MFNG: variants seen among roughly 807,000 people sequenced by gnomAD.
MFNG encodes the protein MFNG O-fucosylpeptide 3-beta-N-acetylglucosaminyltransferase.
In MFNG, 24 loss-of-function variants were observed where a neutral mutation model predicts 34.2. The ratio of observed to expected loss-of-function variants is 0.70; its 90% confidence interval spans 0.51 to 0.99. The LOEUF (loss-of-function observed/expected upper bound fraction) is 0.99. Ranked by LOEUF, MFNG falls within the 50% of genes least tolerant of loss-of-function variation. MFNG has a pLI of 0.00. For missense variants in MFNG, 383 were observed against 424.0 expected, an observed-to-expected ratio of 0.90 and a Z score of 0.85; for synonymous variants, 158 against 179.2, an observed-to-expected ratio of 0.88 and a Z score of 0.94.
At chr22:37,479,710 G>A (rs1922203889) in intron 3 of MFNG, among the ~76,000 whole-genome samples, 1 of 152,126 alleles carries the variant, frequency 6.6e-6, no homozygotes, top group Non-Finnish European at 1.5e-5. Context: ...GAGAGGTTAA[G>A]ACACTCGCCC....
In MFNG at chr22:37,479,349, C is replaced by T. The variant is rs760886971; in HGVS notation, c.557G>A (p.Arg186His). 4.4e-6 allele frequency: 7 copies of T among 1,576,316 alleles called. No homozygotes were observed. Among genetic ancestry groups the T allele is most frequent in the East Asian group, 2.4e-5 (1 of 42,282 alleles). Residue 186 changes from arginine to histidine, a missense_variant, in exon 4 of 8, where the codon CGC becomes CAC. Arg to His is a conservative substitution (Grantham distance 29). Coordinates refer to ENST00000356998, the MANE Select transcript of MFNG (RefSeq NM_002405.4). ...AGGAGGAGGAGAGGGACCCACCGTG[C>T]GGTTGTGGGGCTGTGGCTCTGAGGC... ...IHASEPQPHN[R>H]TRLVQFWFAT... is the part of the protein sequence containing the mutation.
In MFNG at chr22:37,470,024, C is replaced by T. The variant is rs140309148; in HGVS notation, c.905G>A (p.Arg302His). 60 of 1,604,846 alleles carry T rather than the reference C, an allele frequency of 3.7e-5. No individual in the cohort carries two copies. The highest frequency in any genetic ancestry group is 4.5e-5 in the Non-Finnish European group (53 of 1,174,908). The change falls in exon 8 of 8, where the codon CGC becomes CAC. Residue 302 changes from arginine (R) to histidine (H), a missense_variant. By Grantham distance (29) the Arg-to-His change is conservative (BLOSUM62 0). Coordinates refer to ENST00000356998, the MANE Select transcript of MFNG (RefSeq NM_002405.4). ...TGGATAGAGCAGACAATGGAGGGAG[C>T]GAAATCTGCAGAGAGACCAGAAAAG... Reference protein sequence around the residue: ...FSPEEDPSRFRSLHCLLYPDT... With the variant: ...FSPEEDPSRFHSLHCLLYPDT...
At chr22:37,473,149 G>A (rs180720097) in intron 6 of MFNG, among the ~76,000 whole-genome samples, 61 of 152,230 alleles carry the variant, frequency 4.0e-4, no homozygotes, top group East Asian at 2.3e-3. Flanking sequence ...GAGAGTTAAA[G>A]AAGGGTGGCT....
intron 4 of MFNG, 57 bp downstream of exon 4, chr22:37,479,288 C>A (rs57503927): frequency 6.7e-7 from 1 of 1,486,312 alleles, no homozygotes; most frequent in East Asian, 2.5e-5. Flanking sequence ...CCCCCAGGAC[C>A]GGCCCGGCCC....
Position 37,469,923 on chromosome 22 carries a change from C to A in MFNG, c.*40G>T, listed in dbSNP as rs1233126093. 3.3e-6 allele frequency: 5 copies of A among 1,525,896 alleles called. No homozygotes were observed. The highest frequency in any genetic ancestry group is 4.5e-6 in the Non-Finnish European group (5 of 1,114,752). The allele number at this position is 1,525,896 out of a possible 1,614,324, so 94.5% of individuals were successfully genotyped here. A position where few individuals can be genotyped will look rare whatever the true frequency, so the allele number is the denominator to read the frequency against. On this transcript the variant is annotated 3_prime_UTR_variant, in exon 8 of 8. Coordinates refer to ENST00000356998, the MANE Select transcript of MFNG (RefSeq NM_002405.4). Reference sequence around the variant, plus strand: ...TGCCACCTTGGGAGCCAAGGCACACCCAGAAGTCTCTGCCCAACCTTTGCC... The same window carrying A: ...TGCCACCTTGGGAGCCAAGGCACACACAGAAGTCTCTGCCCAACCTTTGCC...
Position 37,485,099 on chromosome 22 carries a change from C to T in MFNG, c.255+824G>A, listed in dbSNP as rs1294161005. Among the ~76,000 whole-genome samples the T allele has an allele frequency of 6.6e-6, 1 of 152,132 alleles. No individual in the cohort carries two copies. Among genetic ancestry groups the T allele is most frequent in the Admixed American group, 6.5e-5 (1 of 15,278 alleles). On this transcript the variant is annotated intron_variant, in intron 1 of 7. Transcript: ENST00000356998. The surrounding 1 kb of genome is among the most constrained non-coding windows in gnomAD (Gnocchi z 5.3). ...CGAGGAGGGAAAGGGCTGGAAGGGA[C>T]TTGGCTCGCCGGAGCCGCACAGCCA...
rs76127856 is a variant in MFNG, at chr22:37,476,537, C to A, written c.647+359G>T. ...GCCTTCACCTCCCCTACGGCATTGA[C>A]CAGTCAGAAAAGGGCGGTAAATAGC... On this transcript the variant is annotated intron_variant, in intron 5 of 7. Transcript: ENST00000356998. Among the ~76,000 whole-genome samples, 1,126 of 152,234 alleles carry A rather than the reference C, an allele frequency of 7.4e-3. 11 individuals carry two copies. Among genetic ancestry groups the A allele is most frequent in the African/African-American group, 0.026 (1,061 of 41,526 alleles).
intron 5 of MFNG, among the ~76,000 whole-genome samples, chr22:37,476,644 A>AC (rs1922054680): frequency 6.6e-6 from 1 of 152,194 alleles, no homozygotes; most frequent in South Asian, 2.1e-4. Context: ...CCATGTGCCG[A>AC]CGGGGGGACT....
chr22:37,477,122 T>G, intron 4 of MFNG, 141 bp from the exon 5 acceptor site: 1 of 685,424 alleles, frequency 1.5e-6, no homozygotes, highest in Middle Eastern at 2.5e-4. Context: ...TGCTACAACC[T>G]GGCATTATTG....
rs770994899 is a variant in MFNG at position 37,482,248 on chromosome 22, G to A, written c.256-1479C>T. Among the ~76,000 whole-genome samples, 21 of 152,214 alleles carry A rather than the reference G, an allele frequency of 1.4e-4. No homozygotes were observed. Among genetic ancestry groups the A allele is most frequent in the African/African-American group, 4.6e-4 (19 of 41,540 alleles). On this transcript the variant is annotated intron_variant, in intron 1 of 7. Transcript: ENST00000356998. The surrounding 1 kb of genome is among the most constrained non-coding windows in gnomAD (Gnocchi z 4.1). ...ATGTTTCCCTGCCAGGACCAGAATC[G>A]AGTAACACCCAACTCCACCCACCAG...
rs549930944 is a variant in MFNG, at chr22:37,469,481, C to T, written c.*482G>A. Reference sequence around the variant, plus strand: ...GCAACAACAGCAGGTGCTGCAGACCCTGGATTCTGCCATCATTCCACCCAT... The same window carrying T: ...GCAACAACAGCAGGTGCTGCAGACCTTGGATTCTGCCATCATTCCACCCAT... On this transcript the variant is annotated 3_prime_UTR_variant, in exon 8 of 8. Coordinates refer to ENST00000356998, the MANE Select transcript of MFNG (RefSeq NM_002405.4). 6.7e-5 allele frequency: 18 copies of T among 267,056 alleles called. No individual in the cohort carries two copies. Among genetic ancestry groups the T allele is most frequent in the African/African-American group, 4.0e-4 (18 of 45,128 alleles). 16.5% of individuals were successfully genotyped at this position (267,056 alleles called of 1,614,324 possible).
chr22:37,471,058 T>C (rs2145724723), intron 7 of MFNG, among the ~76,000 whole-genome samples: 1 of 152,172 alleles, frequency 6.6e-6, no homozygotes, highest in East Asian at 1.9e-4. Context: ...GGGCTCTGAC[T>C]TACTCTCCCA....
intron 4 of MFNG, among the ~76,000 whole-genome samples, chr22:37,478,593 A>G (rs1339956775): frequency 2.0e-5 from 3 of 151,276 alleles, no homozygotes; most frequent in Non-Finnish European, 4.4e-5. Context: ...CTGGAGGGAG[A>G]GGGTGCCCCA....
At chr22:37,477,259 C>T (rs568145444) in intron 4 of MFNG, among the ~76,000 whole-genome samples, 19 of 151,988 alleles carry the variant, frequency 1.3e-4, no homozygotes, top group Non-Finnish European at 2.2e-4. Flanking sequence ...TTTTACCCAC[C>T]CAGCCACCAT....
chr22:37,478,827 C>T (rs922791791), intron 4 of MFNG, among the ~76,000 whole-genome samples: 10 of 152,082 alleles, frequency 6.6e-5, no homozygotes, highest in African/African-American at 2.4e-4. Context: ...TACAGGTGCC[C>T]GCCACCATGC....
chr22:37,474,247 T>C (rs190409646), intron 6 of MFNG, among the ~76,000 whole-genome samples: 79 of 152,294 alleles, frequency 5.2e-4, no homozygotes, highest in African/African-American at 1.5e-3. Flanking sequence ...TTCAGGTCCT[T>C]CCCGGCATTT....
At position 37,480,706 on chromosome 22, in the gene MFNG, G is replaced by T. The variant is rs775116536; in HGVS notation, c.304+15C>A. ...AGCTAAAGTCCCCCACCACACCCAGGCCGGGCAGAGTTACCCAGTCTCTCC... is the reference window on the plus strand; with the variant it reads ...AGCTAAAGTCCCCCACCACACCCAGTCCGGGCAGAGTTACCCAGTCTCTCC... On this transcript the variant is annotated intron_variant, in intron 2 of 7. Coordinates refer to ENST00000356998, the MANE Select transcript of MFNG (RefSeq NM_002405.4). The T allele has an allele frequency of 6.2e-6, 10 of 1,612,756 alleles. No homozygotes were observed. In the South Asian group the frequency reaches 9.9e-5, roughly 16 times the overall value.
rs1490652379 is a variant in MFNG, at chr22:37,469,832, C to T, written c.*131G>A. On this transcript the variant is annotated 3_prime_UTR_variant, in exon 8 of 8. Coordinates refer to ENST00000356998, the MANE Select transcript of MFNG (RefSeq NM_002405.4). ...TGCCAATTGCCACTCAGATCCTGGG[C>T]TTGCCAACCACCCGAAGGCCCTGCC... 2.6e-5 allele frequency: 21 copies of T among 799,526 alleles called. No homozygotes were observed. Among genetic ancestry groups the T allele is most frequent in the Non-Finnish European group, 3.9e-5 (18 of 461,770 alleles). 49.5% of individuals were successfully genotyped at this position (799,526 alleles called of 1,614,324 possible). A position where few individuals can be genotyped will look rare whatever the true frequency, so the allele number is the denominator to read the frequency against.
chr22:37,474,258 G>C (rs1921939047), intron 6 of MFNG, among the ~76,000 whole-genome samples: 1 of 152,194 alleles, frequency 6.6e-6, no homozygotes, highest in African/African-American at 2.4e-5. Flanking sequence ...CCCGGCATTT[G>C]AGGACCAGAT....
Sources: allele counts gnomAD v4.1 joint callset (sites outside exome capture counted in the v4.1 genomes callset), GRCh38; gene constraint gnomAD v4.1.1; non-coding constraint Gnocchi (gnomAD v3.1); transcripts MANE v1.5; gene names NCBI Gene and HGNC (gene_info 2026-07-23, HGNC 2026-07-21).